ELF4: variants seen among roughly 807,000 people sequenced by gnomAD.
ELF4 encodes the protein ETS-related transcription factor Elf-4.
Under a neutral mutation model 31.7 loss-of-function variants are expected in ELF4, and 10 were observed. The observed-to-expected ratio is 0.32, with a 90% CI of 0.19 to 0.54. The LOEUF (loss-of-function observed/expected upper bound fraction) is 0.54. Among genes scored for constraint, ELF4 ranks in the 20% least tolerant of loss-of-function variants. ELF4 has a pLI of 0.95. For missense variants in ELF4, 418 were observed against 522.0 expected (o/e 0.80, Z 1.94); for synonymous variants, 208 against 226.7 (o/e 0.92, Z 0.74).
At chrX:130,106,372 C>T (rs1234558633) in intron 1 of ELF4, among the ~76,000 whole-genome samples, 1 of 111,473 alleles carries the variant, frequency 9.0e-6, no homozygotes, top group Non-Finnish European at 1.9e-5. Context: ...ATCTCCCCCA[C>T]GGCGCCTAGC....
chrX:130,083,732 CA>C (rs918682853), intron 1 of ELF4, among the ~76,000 whole-genome samples: 3 of 111,218 alleles, frequency 2.7e-5, no homozygotes, highest in African/African-American at 9.8e-5. Flanking sequence ...TAGCACCTTG[CA>C]TCATGTATGG....
At chrX:130,106,949 TC>T (rs1383697113) in intron 1 of ELF4, among the ~76,000 whole-genome samples, 1 of 111,370 alleles carries the variant, frequency 9.0e-6, no homozygotes, top group African/African-American at 3.3e-5. Flanking sequence ...ACAAATGACA[TC>T]CTGCAAGATT....
intron 2 of ELF4, among the ~76,000 whole-genome samples, chrX:130,080,950 T>G (rs941800105): frequency 1.8e-5 from 2 of 112,718 alleles, no homozygotes; most frequent in African/African-American, 6.4e-5. Context: ...GTTTGGTCCA[T>G]GTTGCTGACT....
chrX:130,075,000 G>A (rs1292191549), intron 2 of ELF4, among the ~76,000 whole-genome samples: 5 of 107,893 alleles, frequency 4.6e-5, no homozygotes, highest in Non-Finnish European at 9.6e-5. Context: ...ATAGAGCCTC[G>A]CTCTGTCGCC....
chrX:130,098,086 G>T (rs1002289001), intron 1 of ELF4, among the ~76,000 whole-genome samples: 18 of 112,145 alleles, frequency 1.6e-4, no homozygotes, highest in African/African-American at 5.8e-4. Flanking sequence ...GTCACTACAG[G>T]CTCCCGCAGC....
intron 1 of ELF4, among the ~76,000 whole-genome samples, chrX:130,094,892 G>A (rs960143343): frequency 4.5e-5 from 5 of 111,483 alleles, no homozygotes; most frequent in Non-Finnish European, 9.4e-5. Flanking sequence ...TTTGGGTGGA[G>A]GGGGTGGAAG....
chrX:130,071,297 GC>G, intron 6 of ELF4, 38 bp downstream of exon 6: 1 of 1,208,713 alleles, frequency 8.3e-7, no homozygotes, highest in Non-Finnish European at 1.1e-6. Context: ...CAGGGAAGGG[GC>G]TCCCTCCCCA....
intron 5 of ELF4, among the ~76,000 whole-genome samples, 162 bp from the exon 6 acceptor site, chrX:130,071,581 A>G (rs1450779692): frequency 8.9e-6 from 1 of 112,198 alleles, no homozygotes; most frequent in Admixed American, 9.4e-5. Flanking sequence ...TTGCACCCTC[A>G]TTTTCAGGCC....
At chrX:130,070,913 G>A in intron 7 of ELF4, 127 bp downstream of exon 7, 1 of 983,167 alleles carries the variant, frequency 1.0e-6, no homozygotes, top group Non-Finnish European at 1.4e-6. Context: ...AAGCTAAGAG[G>A]AAAGTTACGA....
Position 130,079,055 on chromosome X carries a change from G to C in ELF4, c.75+2201C>G, listed in dbSNP as rs141053159. 7.7e-3 allele frequency among the ~76,000 whole-genome samples: 855 copies of C among 111,308 alleles called. 11 individuals are homozygous for C. Among genetic ancestry groups the C allele is most frequent in the African/African-American group, 0.027 (815 of 30,620 alleles). The stretch of plus-strand genomic sequence containing the variant: ...TGGGGGGAAGAAAGGAACTAAAAAG[G>C]TATAAAAAGATGCAATTTTGAAGGT... On this transcript the variant is annotated intron_variant, in intron 2 of 8. Transcript: ENST00000308167.
At chrX:130,103,453 C>A (rs1374094939) in intron 1 of ELF4, among the ~76,000 whole-genome samples, 1 of 112,322 alleles carries the variant, frequency 8.9e-6, no homozygotes, top group Non-Finnish European at 1.9e-5. Context: ...TCAGTCAATA[C>A]AAACATCATC....
intron 1 of ELF4, among the ~76,000 whole-genome samples, chrX:130,090,158 G>C (rs923711743): frequency 9.0e-6 from 1 of 110,570 alleles, no homozygotes; most frequent in African/African-American, 3.3e-5. Context: ...CGGATGATGA[G>C]GTCAGGAGTT....
intron 1 of ELF4, among the ~76,000 whole-genome samples, chrX:130,102,922 G>GAAAGAAAGAA (rs1193173312): frequency 4.2e-5 from 4 of 95,087 alleles, no homozygotes; most frequent in African/African-American, 1.9e-4. Flanking sequence ...AAGAAAGAAA[G>GAAAGAAAGAA]AGAGAGAAGG....
chrX:130,081,375 A>G lies in ELF4; in HGVS notation c.-45T>C, dbSNP rs367951125. 53 of 1,164,530 alleles carry G rather than the reference A, an allele frequency of 4.6e-5. No individual in the cohort carries two copies. Among genetic ancestry groups the G allele is most frequent in the Non-Finnish European group, 6.0e-5 (51 of 853,502 alleles). On this transcript the variant is annotated 5_prime_UTR_variant, in exon 2 of 9. Coordinates refer to ENST00000308167, the MANE Select transcript of ELF4 (RefSeq NM_001421.4). ...GACAACGGGATTATCAGAGCCCTCC[A>G]GAGCTGTGGGGCTTTCTTGATGAAG...
chrX:130,065,133 G>A lies in ELF4; in HGVS notation c.*1588C>T, dbSNP rs1480154603. On this transcript the variant is annotated 3_prime_UTR_variant, in exon 9 of 9. Coordinates refer to ENST00000308167, the MANE Select transcript of ELF4 (RefSeq NM_001421.4). ...GGGAGGTAGTTAGGTCAAGTGGATG[G>A]TTCTGTACCAAGGACACAGCAAAGG... 2 of 173,119 alleles carry A rather than the reference G, an allele frequency of 1.2e-5. No individual in the cohort carries two copies. Among genetic ancestry groups the A allele is most frequent in the African/African-American group, 5.9e-5 (2 of 33,723 alleles). 14.3% of individuals were successfully genotyped at this position (173,119 alleles called of 1,213,427 possible). A position where few individuals can be genotyped will look rare whatever the true frequency, so the allele number is the denominator to read the frequency against.
chrX:130,093,750 T>G (rs1274310345), intron 1 of ELF4, among the ~76,000 whole-genome samples: 1 of 112,021 alleles, frequency 8.9e-6, no homozygotes, highest in Non-Finnish European at 1.9e-5. Flanking sequence ...TCACCTTGGC[T>G]TCCCCGTAGT....
chrX:130,074,659 C>G lies in ELF4; in HGVS notation c.169G>C (p.Val57Leu). The change falls in exon 3 of 9, where the codon GTT becomes CTT. Residue 57 changes from valine (V) to leucine (L), a missense_variant. Physicochemically the swap from Val to Leu is conservative, Grantham distance 32. Around this residue, in one of 4 missense-constraint regions of ELF4, gnomAD observed 35 missense variants for 76.4 expected, o/e 0.46. Coordinates refer to ENST00000308167, the MANE Select transcript of ELF4 (RefSeq NM_001421.4). ...HLYSGLELDD[V>L]HNGIITDGTL... ...CCGTCTGTTATGATGCCATTGTGAA[C>G]GTCGTCCAACTCCAGTCCCGAGTAC... is the stretch of plus-strand genomic sequence containing the variant. 1 of 1,211,607 alleles carries G rather than the reference C, an allele frequency of 8.3e-7. No individual in the cohort carries two copies. Among genetic ancestry groups the G allele is most frequent in the Non-Finnish European group, 1.1e-6 (1 of 895,522 alleles).
At chrX:130,105,016 G>A (rs5930377) in intron 1 of ELF4, among the ~76,000 whole-genome samples, 4,088 of 38,253 alleles carry the variant, frequency 0.11, 74 homozygotes, top group Admixed American at 0.18. Flanking sequence ...AAAAAAAAAA[G>A]AAAATTAGCT....
intron 1 of ELF4, 81 bp downstream of exon 1, chrX:130,110,244 G>A (rs1379498818): frequency 1.8e-5 from 2 of 110,423 alleles, no homozygotes; most frequent in South Asian, 3.8e-4. Context: ...CCCACGCCGG[G>A]GCCCCGGCGC....
Sources: gnomAD v4.1 joint callset for allele counts (sites outside exome capture counted in the v4.1 genomes callset) on GRCh38, gnomAD v4.1.1 for gene constraint, gnomAD v4.1.1 regional missense constraint, MANE v1.5 for transcripts, NCBI Gene and HGNC (gene_info 2026-07-23, HGNC 2026-07-21) for gene names.